The following EPM2A variants were observed in gnomAD, a reference collection of about 807,000 sequenced individuals.
EPM2A encodes the protein laforin.
EPM2A carries 21 observed loss-of-function variants against 26.5 expected under a neutral mutation model. That is an observed-to-expected ratio of 0.79 (90% confidence interval 0.56 to 1.14). EPM2A has a LOEUF of 1.14. EPM2A is among the 50% of genes most tolerant of loss of function. The probability of loss-of-function intolerance (pLI) is 0.00; values close to 1 mark genes in which losing one functional copy is unlikely to be tolerated. For missense variants in EPM2A, 458 were observed against 440.8 expected (o/e 1.04, Z -0.35); for synonymous variants, 217 against 177.6 (o/e 1.22, Z -1.76).
chr6:145,402,943 ACT>A lies in EPM2A; in HGVS notation c.556-18848_556-18847del, dbSNP rs538317834. Among the ~76,000 whole-genome samples the A allele has an allele frequency of 2.0e-5, 3 of 152,248 alleles. No homozygotes were observed. In the South Asian group the frequency reaches 6.2e-4, roughly 32 times the overall value. On this transcript the variant is annotated intron_variant, in intron 4 of 4. Coordinates refer to the EPM2A transcript ENST00000638717. ...GCATTTGCAATTTTAATGCTAAATT[ACT>A]CTCTTGAGCTGTCACTTCAAGTTAC... is the stretch of plus-strand genomic sequence containing the variant.
At chr6:145,434,210 T>C (rs1430682282) in intron 4 of EPM2A, among the ~76,000 whole-genome samples, 1 of 151,928 alleles carries the variant, frequency 6.6e-6, no homozygotes, top group African/African-American at 2.4e-5. Flanking sequence ...ATCCTTTTTC[T>C]CTGAATGATT....
At chr6:145,427,709 A>G (rs1223085526) in intron 4 of EPM2A, among the ~76,000 whole-genome samples, 1 of 152,170 alleles carries the variant, frequency 6.6e-6, no homozygotes, top group Non-Finnish European at 1.5e-5. Flanking sequence ...GGCCCTTACT[A>G]CTGTCTTCTC....
chr6:145,595,485 T>A (rs1353597203), intron 2 of EPM2A, among the ~76,000 whole-genome samples: 2 of 112,330 alleles, frequency 1.8e-5, no homozygotes, highest in Non-Finnish European at 3.7e-5. Flanking sequence ...AAAAAATTTA[T>A]ATTGATTTTA....
At chr6:145,487,018 A>T (rs1426558229) in intron 4 of EPM2A, among the ~76,000 whole-genome samples, 2 of 151,880 alleles carry the variant, frequency 1.3e-5, no homozygotes, top group Non-Finnish European at 2.9e-5. Flanking sequence ...CAATAGCCCC[A>T]GTGTGTGTTG....
chr6:145,443,782 T>C (rs1779097250), intron 4 of EPM2A, among the ~76,000 whole-genome samples: 1 of 152,100 alleles, frequency 6.6e-6, no homozygotes, highest in Non-Finnish European at 1.5e-5. Context: ...GATTGAATCA[T>C]GGGGGTGGGT....
chr6:145,577,098 T>G (rs759701959), intron 2 of EPM2A, among the ~76,000 whole-genome samples: 1 of 148,836 alleles, frequency 6.7e-6, no homozygotes, highest in Non-Finnish European at 1.5e-5. Context: ...TACGCACAAA[T>G]AAAGATAGCA....
chr6:145,387,876 C>A (rs1778284121), intron 4 of EPM2A, among the ~76,000 whole-genome samples: 1 of 151,744 alleles, frequency 6.6e-6, no homozygotes, highest in Non-Finnish European at 1.5e-5. Flanking sequence ...GCAGGGGAGA[C>A]TGTGATAGAT....
At chr6:145,579,674 C>T (rs1781085615) in intron 2 of EPM2A, among the ~76,000 whole-genome samples, 1 of 152,112 alleles carries the variant, frequency 6.6e-6, no homozygotes, top group South Asian at 2.1e-4. Flanking sequence ...AGCTCACTTA[C>T]ATTTATTGTG....
chr6:145,385,310 AGCC>A (rs1778243865), intron 4 of EPM2A, among the ~76,000 whole-genome samples: 1 of 150,328 alleles, frequency 6.7e-6, no homozygotes, highest in Non-Finnish European at 1.5e-5. Flanking sequence ...AATAAACTAA[AGCC>A]ACATATTTGG....
chr6:145,470,085 T>C (rs1157969184), intron 4 of EPM2A, among the ~76,000 whole-genome samples: 2 of 151,906 alleles, frequency 1.3e-5, no homozygotes, highest in Non-Finnish European at 2.9e-5. Context: ...TATAGCTAAA[T>C]AGAATGAATA....
rs1486756250 is a variant in EPM2A, at chr6:145,386,157, C to A, written c.556-2060G>T. On this transcript the variant is annotated intron_variant, in intron 4 of 4. Transcript: ENST00000638717. ...ATCAATAGTAAACTATATTCAGATA[C>A]TACTTAGCATAAAATCCAAGGTAGT... Among the ~76,000 whole-genome samples, 3 of 151,984 alleles carry A rather than the reference C, an allele frequency of 2.0e-5. No individual in the cohort carries two copies. In the East Asian group the frequency reaches 5.8e-4, roughly 29 times the overall value.
chr6:145,605,883 G>A (rs1775239691), intron 2 of EPM2A, among the ~76,000 whole-genome samples: 1 of 152,068 alleles, frequency 6.6e-6, no homozygotes, highest in Admixed American at 6.6e-5. Context: ...AACAAGGTTA[G>A]GAAGAAACTG....
chr6:145,661,103 A>T (rs1434072488), intron 2 of EPM2A, among the ~76,000 whole-genome samples: 1 of 152,156 alleles, frequency 6.6e-6, no homozygotes, highest in Non-Finnish European at 1.5e-5. Context: ...TCCGAGAAAG[A>T]AGTAGACTGG....
intron 1 of EPM2A, among the ~76,000 whole-genome samples, chr6:145,713,419 C>A (rs939248473): frequency 1.3e-5 from 2 of 152,140 alleles, no homozygotes; most frequent in Admixed American, 6.5e-5. Flanking sequence ...AAGATACATA[C>A]ACATATGTGT....
chr6:145,430,470 G>A (rs1454801831), intron 4 of EPM2A, among the ~76,000 whole-genome samples: 1 of 151,752 alleles, frequency 6.6e-6, no homozygotes, highest in Non-Finnish European at 1.5e-5. Flanking sequence ...GCGTGGTGGT[G>A]GGCGCCTGTA....
At chr6:145,519,606 G>A (rs529728051) in intron 2 of EPM2A, among the ~76,000 whole-genome samples, 13 of 152,272 alleles carry the variant, frequency 8.5e-5, no homozygotes, top group African/African-American at 3.1e-4. Context: ...ATGTTAGAAT[G>A]CAGGGAAGAG....
intron 4 of EPM2A, among the ~76,000 whole-genome samples, chr6:145,470,068 AC>A (rs1779454205): frequency 6.6e-6 from 1 of 152,108 alleles, no homozygotes; most frequent in Non-Finnish European, 1.5e-5. Context: ...GTTAATGGGT[AC>A]AAAAATATAG....
chr6:145,456,314 G>A (rs1779261967), intron 4 of EPM2A, among the ~76,000 whole-genome samples: 1 of 152,164 alleles, frequency 6.6e-6, no homozygotes. Context: ...TGGTACCCCA[G>A]TACTTAGTAG....
intron 2 of EPM2A, among the ~76,000 whole-genome samples, chr6:145,572,471 C>T (rs1014989802): frequency 1.2e-4 from 18 of 152,262 alleles, no homozygotes; most frequent in Middle Eastern, 3.4e-3. Flanking sequence ...TGTGCACGAC[C>T]CACTTTATGG....
Sources: allele counts gnomAD v4.1 joint callset (sites outside exome capture counted in the v4.1 genomes callset), GRCh38; gene constraint gnomAD v4.1.1; transcripts MANE v1.5; gene names NCBI Gene and HGNC (gene_info 2026-07-23, HGNC 2026-07-21).